The following RNF115 variants were observed in gnomAD, a reference collection of about 807,000 sequenced individuals.
RNF115 encodes ring finger protein 115.
RNF115 carries 31 observed loss-of-function variants against 39.2 expected under a neutral mutation model. The observed-to-expected ratio is 0.79, with a 90% CI of 0.59 to 1.07. The LOEUF (loss-of-function observed/expected upper bound fraction) is 1.07. Among genes scored for constraint, RNF115 ranks in the 50% least tolerant of loss-of-function variants. The pLI is 0.00. For missense variants in RNF115, 384 were observed against 381.7 expected (o/e 1.01, Z -0.05); for synonymous variants, 124 against 131.0 (o/e 0.95, Z 0.37).
intron 1 of RNF115, among the ~76,000 whole-genome samples, chr1:145,791,943 T>C (rs797024696): frequency 2.0e-4 from 30 of 152,126 alleles, no homozygotes; most frequent in African/African-American, 6.8e-4. Context: ...TATTTATTTA[T>C]TTTTTTGAGA....
At chr1:145,788,726 C>T in intron 2 of RNF115, 182 bp downstream of exon 2, 1 of 694,366 alleles carries the variant, frequency 1.4e-6, no homozygotes. Context: ...ATTTTTCTTT[C>T]TTTTTCCTCT....
At chr1:145,751,382 A>G in intron 6 of RNF115, 56 bp downstream of exon 6, 2 of 1,198,978 alleles carry the variant, frequency 1.7e-6, no homozygotes, top group Non-Finnish European at 2.4e-6. Flanking sequence ...GAAAGCAGGA[A>G]GCCTGTGGAA....
At chr1:145,771,045 T>C in intron 4 of RNF115, among the ~76,000 whole-genome samples, 1 of 152,360 alleles carries the variant, frequency 6.6e-6, no homozygotes, top group East Asian at 1.9e-4. Context: ...TCCTAATGCC[T>C]AATATATTTG....
intron 4 of RNF115, among the ~76,000 whole-genome samples, chr1:145,763,906 C>T (rs1166845222): frequency 1.9e-5 from 2 of 105,360 alleles, no homozygotes; most frequent in African/African-American, 5.6e-5. Flanking sequence ...CCCTCCCCCT[C>T]TCCCTCTCCC....
intron 4 of RNF115, among the ~76,000 whole-genome samples, chr1:145,767,736 C>T (rs1459308489): frequency 6.6e-6 from 1 of 152,250 alleles, no homozygotes. Flanking sequence ...CTCGGGAGGC[C>T]GAGGCTGGCG....
chr1:145,770,790 C>T (rs1187537962), intron 4 of RNF115, among the ~76,000 whole-genome samples: 3 of 152,154 alleles, frequency 2.0e-5, no homozygotes, highest in Non-Finnish European at 4.4e-5. Context: ...TTAAAATTAA[C>T]GTTTATTATT....
rs1162952492 is a variant in RNF115 at position 145,824,065 on chromosome 1, C to T, written c.-192G>A. ...CAACAGCTACCCTGCGGCCCGCCTC[C>T]CAGCACCAAAGAGGCGCAGGAAGGA... On this transcript the variant is annotated 5_prime_UTR_variant, in exon 1 of 9. Transcript: ENST00000582693. The T allele has an allele frequency of 6.2e-6, 3 of 487,264 alleles. No individual in the cohort carries two copies. Among genetic ancestry groups the T allele is most frequent in the South Asian group, 3.1e-5 (1 of 31,930 alleles). 30.2% of individuals were successfully genotyped at this position (487,264 alleles called of 1,614,324 possible). A position where few individuals can be genotyped will look rare whatever the true frequency, so the allele number is the denominator to read the frequency against.
At chr1:145,755,857 C>T (rs1162696374) in intron 4 of RNF115, among the ~76,000 whole-genome samples, 1 of 152,080 alleles carries the variant, frequency 6.6e-6, no homozygotes, top group Admixed American at 6.6e-5. Flanking sequence ...AAAGCTGTGG[C>T]CTTACCATAA....
chr1:145,807,803 CCATTAAT>C, intron 1 of RNF115, among the ~76,000 whole-genome samples: 1 of 152,088 alleles, frequency 6.6e-6, no homozygotes, highest in Middle Eastern at 3.4e-3. Flanking sequence ...ATGTTTATAC[CCATTAAT>C]CAACCTCTCT....
intron 1 of RNF115, among the ~76,000 whole-genome samples, chr1:145,802,600 T>C (rs1553721031): frequency 1.3e-5 from 2 of 152,234 alleles, no homozygotes; most frequent in Admixed American, 6.5e-5. Flanking sequence ...TTCACAGCTA[T>C]GTTTTTCTAC....
chr1:145,779,718 A>C (rs587677857), intron 3 of RNF115, among the ~76,000 whole-genome samples: 20 of 152,122 alleles, frequency 1.3e-4, no homozygotes, highest in Admixed American at 1.2e-3. Context: ...GCTAGAGTGC[A>C]GTGGCACAAT....
chr1:145,794,502 CTTTTTTTTT>C (rs57242475), intron 1 of RNF115, among the ~76,000 whole-genome samples: 6 of 81,096 alleles, frequency 7.4e-5, no homozygotes, highest in Non-Finnish European at 1.1e-4. Context: ...TAATCTCTTT[CTTTTTTTTT>C]TTTTTTTTTT....
Position 145,771,760 on chromosome 1 carries a change from ATC to A in RNF115, c.377_378del (p.Arg126IlefsTer10). 20 of 1,614,196 alleles carry A rather than the reference ATC, an allele frequency of 1.2e-5. No homozygotes were observed. The highest frequency in any genetic ancestry group is 1.7e-5 in the Non-Finnish European group (20 of 1,180,016). On this transcript the variant is annotated frameshift_variant, in exon 4 of 9. Coordinates refer to ENST00000582693, the MANE Select transcript of RNF115 (RefSeq NM_014455.4). LOFTEE classifies it high-confidence loss of function. ...GGACGAGAACTTCCTCGAGATCTGTATCTCCGACCCAATGGCAACCGTGGAGG... is the reference window on the plus strand; with the variant it reads ...GGACGAGAACTTCCTCGAGATCTGTATCCGACCCAATGGCAACCGTGGAGG... ...ARPPRLPLGR[R>X]YRSRGSSRPD...
At chr1:145,791,933 TATTTA>T (rs1553719062) in intron 1 of RNF115, among the ~76,000 whole-genome samples, 1 of 152,076 alleles carries the variant, frequency 6.6e-6, no homozygotes, top group African/African-American at 2.4e-5. Context: ...TATTTTATTT[TATTTA>T]TTTATTTTTT....
rs1166623395 is a variant in RNF115 at position 145,743,108 on chromosome 1, T to C, written c.*3758A>G. The C allele has an allele frequency of 6.6e-6, 1 of 152,264 alleles. No homozygotes were observed. The highest frequency in any genetic ancestry group is 1.5e-5 in the Non-Finnish European group (1 of 68,060). The allele number at this position is 152,264 out of a possible 1,614,324, so 9.4% of individuals were successfully genotyped here. A position where few individuals can be genotyped will look rare whatever the true frequency, so the allele number is the denominator to read the frequency against. ...GTGATGGTTAATCTTATGTGTCAAC[T>C]TGACTAGGCCACATGATGCCCAGAT... On this transcript the variant is annotated 3_prime_UTR_variant, in exon 9 of 9. Coordinates refer to ENST00000582693, the MANE Select transcript of RNF115 (RefSeq NM_014455.4).
chr1:145,757,533 C>T (rs1658348161), intron 4 of RNF115, among the ~76,000 whole-genome samples: 1 of 152,150 alleles, frequency 6.6e-6, no homozygotes, highest in African/African-American at 2.4e-5. Flanking sequence ...TTTCTACTGG[C>T]AAGAAGCAAG....
intron 4 of RNF115, among the ~76,000 whole-genome samples, chr1:145,760,891 A>G (rs1658476107): frequency 6.6e-6 from 1 of 152,240 alleles, no homozygotes. Flanking sequence ...GACTTGTTCA[A>G]TGGCTTTGCC....
chr1:145,784,561 G>C lies in RNF115; in HGVS notation c.197C>G (p.Thr66Ser), dbSNP rs2101559802. The C allele has an allele frequency of 6.2e-7, 1 of 1,613,852 alleles. No individual in the cohort carries two copies. The highest frequency in any genetic ancestry group is 8.5e-7 in the Non-Finnish European group (1 of 1,179,844). Residue 66 changes from threonine to serine, a missense_variant, in exon 3 of 9, where the codon ACC (threonine) becomes AGC (serine). Physicochemically the swap from Thr to Ser is moderately conservative, Grantham distance 58. Coordinates refer to ENST00000582693, the MANE Select transcript of RNF115 (RefSeq NM_014455.4). ...LGGGGSRIDNTTTTHFAELWG... is the reference protein window; with the variant it reads ...LGGGGSRIDNSTTTHFAELWG... The stretch of plus-strand genomic sequence containing the variant: ...TACCTCTGCAAAATGTGTTGTTGTG[G>C]TATTGTCTATCCGACTGCCGCCACC...
chr1:145,787,587 A>G lies in RNF115; in HGVS notation c.161+1321T>C, dbSNP rs1341125145. Among the ~76,000 whole-genome samples the G allele has an allele frequency of 2.1e-4, 31 of 149,682 alleles. No individual in the cohort carries two copies. In the South Asian group the frequency reaches 3.0e-3, roughly 14 times the overall value. On this transcript the variant is annotated intron_variant, in intron 2 of 8. Coordinates refer to ENST00000582693, the MANE Select transcript of RNF115 (RefSeq NM_014455.4). The stretch of plus-strand genomic sequence containing the variant: ...ACTCCGTCACAAAAAAAAAAAAAAA[A>G]AAAAGAAAAAGATTTTAGGTTGGGC...
Sources: gnomAD v4.1 joint callset for allele counts (sites outside exome capture counted in the v4.1 genomes callset) on GRCh38, gnomAD v4.1.1 for gene constraint, MANE v1.5 for transcripts, NCBI Gene and HGNC (gene_info 2026-07-23, HGNC 2026-07-21) for gene names.